The following ELP6 variants were observed in gnomAD, a reference collection of about 807,000 sequenced individuals.
ELP6 encodes the protein elongator complex protein 6.
In ELP6, 23 loss-of-function variants were observed where a neutral mutation model predicts 28.1. The observed-to-expected ratio is 0.82, with a 90% confidence interval of 0.59 to 1.16. The LOEUF (loss-of-function observed/expected upper bound fraction) is 1.16. Among genes scored for constraint, ELP6 ranks in the 50% most tolerant of loss-of-function variants. ELP6 has a pLI of 0.00. For missense variants in ELP6, 313 were observed against 334.6 expected, an observed-to-expected ratio of 0.94 and a Z score of 0.50; for synonymous variants, 132 against 135.8, an observed-to-expected ratio of 0.97 and a Z score of 0.19.
Position 47,499,812 on chromosome 3 carries a change from G to A in ELP6, c.526-1380C>T, listed in dbSNP as rs571759107. 23 of 1,125,562 alleles carry A rather than the reference G, an allele frequency of 2.0e-5. 1 individual carries two copies. The South Asian group carries it at 4.6e-4, about 22-fold the overall frequency. 69.7% of individuals were successfully genotyped at this position (1,125,562 alleles called of 1,614,324 possible). A position where few individuals can be genotyped will look rare whatever the true frequency, so the allele number is the denominator to read the frequency against. ...TGAGTTGGGGTTCTGTCCCTGCTGG[G>A]CTGTGGCCCCAGCTGGACTGCTGCC... On this transcript the variant is annotated intron_variant, in intron 5 of 6. Coordinates refer to ENST00000296149, the MANE Select transcript of ELP6 (RefSeq NM_001031703.3).
chr3:47,509,312 CT>C (rs1708943415), intron 3 of ELP6, among the ~76,000 whole-genome samples: 1 of 152,234 alleles, frequency 6.6e-6, no homozygotes, highest in African/African-American at 2.4e-5. Context: ...AGTTCTCTCC[CT>C]CTCTAAGCCT....
chr3:47,507,181 G>A (rs1708862226), intron 3 of ELP6, among the ~76,000 whole-genome samples: 1 of 150,476 alleles, frequency 6.6e-6, no homozygotes, highest in Non-Finnish European at 1.5e-5. Context: ...TGGACAACAT[G>A]GTAAAACCCT....
chr3:47,504,383 T>A lies in ELP6; in HGVS notation c.270A>T (p.Ala90=). 1 of 1,610,864 alleles carries A rather than the reference T, an allele frequency of 6.2e-7. No homozygotes were observed. The highest frequency in any genetic ancestry group is 8.5e-7 in the Non-Finnish European group (1 of 1,178,350). Residue 90 remains alanine (A), a synonymous_variant, in exon 4 of 7, where the codon GCA becomes GCT. Coordinates refer to ENST00000296149, the MANE Select transcript of ELP6 (RefSeq NM_001031703.3). The part of the protein sequence containing the change: ...QLVFLEGLKS[A]VDVVFQAQKE... ...TTTGAGCCTGGAAGACGACGTCCACTGCAGACTTGAGTCCCTCAAGGAACA... is the reference window on the plus strand; with the variant it reads ...TTTGAGCCTGGAAGACGACGTCCACAGCAGACTTGAGTCCCTCAAGGAACA...
At chr3:47,499,000 A>G (rs1426256664) in intron 5 of ELP6, among the ~76,000 whole-genome samples, 1 of 152,250 alleles carries the variant, frequency 6.6e-6, no homozygotes, top group Non-Finnish European at 1.5e-5. Flanking sequence ...TAGCCAAGCC[A>G]AAATGGAGGG....
intron 6 of ELP6, 79 bp downstream of exon 6, chr3:47,498,207 A>C: frequency 6.4e-7 from 1 of 1,564,478 alleles, no homozygotes; most frequent in Non-Finnish European, 8.7e-7. Flanking sequence ...ACAGTCCCTC[A>C]GGCCTGACTC....
chr3:47,500,083 G>T, intron 5 of ELP6: 3 of 1,223,076 alleles, frequency 2.5e-6, no homozygotes, highest in South Asian at 3.1e-5. Flanking sequence ...GTGGGCTTGT[G>T]AACGGCAGAA....
Position 47,513,598 on chromosome 3 carries a change from T to C in ELP6, c.-8A>G, listed in dbSNP as rs1319713797. ...ATTAAGTTCCACGAACATTCCGAGC[T>C]CCTGGGACTAGCGCTCTGGAGGAGA... On this transcript the variant is annotated 5_prime_UTR_variant, in exon 1 of 7. Coordinates refer to ENST00000296149, the MANE Select transcript of ELP6 (RefSeq NM_001031703.3). 3 of 1,612,874 alleles carry C rather than the reference T, an allele frequency of 1.9e-6. No individual in the cohort carries two copies. The East Asian group carries it at 6.7e-5, about 36-fold the overall frequency.
intron 3 of ELP6, among the ~76,000 whole-genome samples, chr3:47,508,024 G>A (rs574803747): frequency 1.3e-5 from 1 of 78,032 alleles, no homozygotes; most frequent in African/African-American, 4.1e-5. Context: ...CCATGCTGCA[G>A]AGCCCTGGAA....
intron 3 of ELP6, 66 bp downstream of exon 3, chr3:47,510,118 G>T: frequency 7.7e-7 from 1 of 1,298,306 alleles, no homozygotes; most frequent in Non-Finnish European, 1.1e-6. Flanking sequence ...GGAAAGCCAA[G>T]CTTTAGACCA....
chr3:47,513,567 C>G lies in ELP6; in HGVS notation c.24G>C (p.Leu8=). 2 of 1,613,222 alleles carry G rather than the reference C, an allele frequency of 1.2e-6. No homozygotes were observed. Among genetic ancestry groups the G allele is most frequent in the Non-Finnish European group, 1.7e-6 (2 of 1,179,582 alleles). ...CCGCCCTGTCGGGGGTGGTGTTAAGCAGGTTATTAAGTTCCACGAACATTC... is the reference window on the plus strand; with the variant it reads ...CCGCCCTGTCGGGGGTGGTGTTAAGGAGGTTATTAAGTTCCACGAACATTC... MFVELNN[L]LNTTPDRAEQ... Residue 8 remains leucine (L), a synonymous_variant, in exon 1 of 7, where the codon CTG becomes CTC. Transcript: ENST00000296149.
intron 3 of ELP6, among the ~76,000 whole-genome samples, chr3:47,508,701 G>A (rs908974532): frequency 1.3e-4 from 20 of 150,728 alleles, no homozygotes; most frequent in African/African-American, 4.9e-4. Context: ...TTCTGGACTT[G>A]ATTTGCTTAT....
At chr3:47,506,333 G>A (rs1449627581) in intron 3 of ELP6, among the ~76,000 whole-genome samples, 1 of 152,130 alleles carries the variant, frequency 6.6e-6, no homozygotes, top group African/African-American at 2.4e-5. Context: ...ATCTTATCAG[G>A]AGACAGGGTT....
chr3:47,510,157 C>G, intron 3 of ELP6, 27 bp downstream of exon 3: 1 of 1,580,238 alleles, frequency 6.3e-7, no homozygotes, highest in Non-Finnish European at 8.7e-7. Context: ...ACTCAGGGAC[C>G]TCATCATGGA....
At chr3:47,504,073 G>T in intron 4 of ELP6, 1 of 405,318 alleles carries the variant, frequency 2.5e-6, no homozygotes, top group Non-Finnish European at 4.3e-6. Context: ...AGCCAGGGCT[G>T]GAAAACACAG....
Position 47,511,106 on chromosome 3 carries a change from C to T in ELP6, c.133+42G>A, listed in dbSNP as rs187474789. On this transcript the variant is annotated intron_variant, in intron 2 of 6. Transcript: ENST00000296149. ...GTTTTGGTTTTTATTATTTCTGCAC[C>T]CATCTTGGGTTTCTTTTCTACAGCA... is the stretch of plus-strand genomic sequence containing the variant. 4.6e-6 allele frequency: 7 copies of T among 1,536,024 alleles called. No individual in the cohort carries two copies. In the Admixed American group the frequency reaches 1.1e-4, roughly 23 times the overall value.
At chr3:47,512,640 G>C (rs1709047545) in intron 1 of ELP6, 1 of 985,328 alleles carries the variant, frequency 1.0e-6, no homozygotes, top group African/African-American at 1.7e-5. Context: ...AGGTACCCCG[G>C]AGTGTGAGGA....
At chr3:47,510,724 G>T (rs1324630170) in intron 2 of ELP6, among the ~76,000 whole-genome samples, 1 of 152,182 alleles carries the variant, frequency 6.6e-6, no homozygotes, top group Non-Finnish European at 1.5e-5. Context: ...CCTCCCGAAT[G>T]CTGGGATTAT....
intron 6 of ELP6, chr3:47,497,246 C>A (rs1708502517): frequency 1.0e-6 from 1 of 985,308 alleles, no homozygotes; most frequent in Admixed American, 6.1e-5. Context: ...GCAGGACTCT[C>A]AGTTTCTGCC....
chr3:47,498,923 T>C (rs1282280298), intron 5 of ELP6, among the ~76,000 whole-genome samples: 1 of 152,140 alleles, frequency 6.6e-6, no homozygotes, highest in Non-Finnish European at 1.5e-5. Context: ...AGGCATCCCC[T>C]GTAACCCGGA....
Sources: allele counts gnomAD v4.1 joint callset (sites outside exome capture counted in the v4.1 genomes callset), GRCh38; gene constraint gnomAD v4.1.1; transcripts MANE v1.5; gene names NCBI Gene and HGNC (gene_info 2026-07-23, HGNC 2026-07-21).